Variants in CENPW observed in about 807,000 individuals in gnomAD.
The protein encoded by CENPW is centromere protein W, also known as cancer-up-regulated gene 2 protein.
Under a neutral mutation model 11.1 loss-of-function variants are expected in CENPW, and 3 were observed. The ratio of observed to expected loss-of-function variants is 0.27; its 90% CI spans 0.12 to 0.70. The LOEUF is 0.70. Among genes scored for constraint, CENPW ranks in the 30% least tolerant of loss-of-function variants. The pLI is 0.77. For missense variants in CENPW, 100 were observed against 105.6 expected, an observed-to-expected ratio of 0.95 and a Z score of 0.23; for synonymous variants, 38 against 42.0, an observed-to-expected ratio of 0.91 and a Z score of 0.37.
At chr6:126,433,796 TTA>T in the CENPW span, among the ~76,000 whole-genome samples, 1 of 152,036 alleles carries the variant, frequency 6.6e-6, no homozygotes, top group Non-Finnish European at 1.5e-5. Context: ...CTTGTCTTGA[TTA>T]TGGGGGTTAT....
the CENPW span, among the ~76,000 whole-genome samples, chr6:126,361,685 C>T: frequency 1.3e-5 from 2 of 151,622 alleles, no homozygotes; most frequent in African/African-American, 4.9e-5. Flanking sequence ...TTAGGGAATC[C>T]CCTTGGTCAC....
downstream of CENPW, among the ~76,000 whole-genome samples, chr6:126,350,774 T>A (rs1051841587): frequency 6.6e-6 from 1 of 152,154 alleles, no homozygotes; most frequent in Non-Finnish European, 1.5e-5. Flanking sequence ...AGTAATTTTT[T>A]AAAGCATTAA....
chr6:126,426,354 T>A, the CENPW span, among the ~76,000 whole-genome samples: 1 of 152,116 alleles, frequency 6.6e-6, no homozygotes. Context: ...GTCTACTTGA[T>A]TTCAGGCCTT....
chr6:126,442,861 C>A, the CENPW span, among the ~76,000 whole-genome samples: 1 of 151,128 alleles, frequency 6.6e-6, no homozygotes, highest in East Asian at 1.9e-4. Flanking sequence ...GGGTTGGGGC[C>A]AAGGAATCAT....
the CENPW span, among the ~76,000 whole-genome samples, chr6:126,362,819 G>A: frequency 6.6e-6 from 1 of 151,880 alleles, no homozygotes; most frequent in East Asian, 1.9e-4. Context: ...CTGAAAACAG[G>A]CTTTTTGGAG....
chr6:126,363,206 G>T, the CENPW span, among the ~76,000 whole-genome samples: 1 of 152,166 alleles, frequency 6.6e-6, no homozygotes, highest in Non-Finnish European at 1.5e-5. Flanking sequence ...CAGATGGAGA[G>T]ATTTCATCAC....
chr6:126,454,914 A>G, the CENPW span, among the ~76,000 whole-genome samples: 1 of 151,508 alleles, frequency 6.6e-6, no homozygotes, highest in African/African-American at 2.4e-5. Flanking sequence ...CAGAAATAAA[A>G]AAAACCCCTC....
In CENPW at chr6:126,348,520, A is replaced by G; in HGVS notation, c.*28A>G. 7.2e-7 allele frequency: 1 copy of G among 1,387,002 alleles called. No individual in the cohort carries two copies. The highest frequency in any genetic ancestry group is 2.3e-5 in the East Asian group (1 of 43,346). The allele number at this position is 1,387,002 out of a possible 1,614,324, so 85.9% of individuals were successfully genotyped here. ...GTCAAAGAACATATTCTTGAAAGTT[A>G]TGATGCATTCTTTTGGGTGGTAACA... is the stretch of plus-strand genomic sequence containing the variant. On this transcript the variant is annotated 3_prime_UTR_variant, in exon 3 of 3. Transcript: ENST00000368328.
the CENPW span, among the ~76,000 whole-genome samples, chr6:126,399,108 G>A: frequency 1.3e-5 from 2 of 151,972 alleles, no homozygotes; most frequent in Non-Finnish European, 2.9e-5. Context: ...AAATAATGCT[G>A]TGTTGAAGAT....
At chr6:126,439,477 C>G in the CENPW span, among the ~76,000 whole-genome samples, 4 of 151,650 alleles carry the variant, frequency 2.6e-5, no homozygotes, top group African/African-American at 9.6e-5. Context: ...CTTGGTTATG[C>G]ATGTATGAGG....
At chr6:126,391,629 T>C in the CENPW span, among the ~76,000 whole-genome samples, 2 of 152,036 alleles carry the variant, frequency 1.3e-5, no homozygotes, top group East Asian at 3.9e-4. Flanking sequence ...TTTAATATAT[T>C]TTAATTTGAT....
chr6:126,465,785 A>G, the CENPW span, among the ~76,000 whole-genome samples: 1 of 152,128 alleles, frequency 6.6e-6, no homozygotes, highest in African/African-American at 2.4e-5. Context: ...TTTCCAACAG[A>G]TAATGCTGGA....
At chr6:126,460,515 C>G in the CENPW span, among the ~76,000 whole-genome samples, 63 of 151,784 alleles carry the variant, frequency 4.2e-4, no homozygotes, top group Admixed American at 2.2e-3. Context: ...CATCTTACCC[C>G]CTCCTGATTT....
intron 1 of CENPW, among the ~76,000 whole-genome samples, chr6:126,343,598 A>G (rs920081801): frequency 3.9e-5 from 6 of 152,194 alleles, no homozygotes; most frequent in African/African-American, 1.4e-4. Context: ...TCTGTGGTCG[A>G]AGGCCCTAGG....
At chr6:126,482,070 G>A in the CENPW span, among the ~76,000 whole-genome samples, 1 of 151,960 alleles carries the variant, frequency 6.6e-6, no homozygotes, top group African/African-American at 2.4e-5. Flanking sequence ...AAATGCTAGA[G>A]GAAATGCTCT....
At chr6:126,464,282 T>C in the CENPW span, among the ~76,000 whole-genome samples, 4 of 152,118 alleles carry the variant, frequency 2.6e-5, no homozygotes, top group Admixed American at 2.0e-4. Context: ...TCATGCCTAA[T>C]GAAAACTCTC....
chr6:126,451,302 A>G, the CENPW span, among the ~76,000 whole-genome samples: 2 of 150,906 alleles, frequency 1.3e-5, no homozygotes, highest in Admixed American at 1.3e-4. Context: ...AGAATGAAAT[A>G]TTAGCAAGCA....
intron 2 of CENPW, 98 bp downstream of exon 2, chr6:126,346,416 T>C (rs920922594): frequency 1.7e-6 from 1 of 576,264 alleles, no homozygotes; most frequent in African/African-American, 1.9e-5. Context: ...CTCAGCTTTG[T>C]TGATTGAGTC....
At chr6:126,413,771 T>C in the CENPW span, among the ~76,000 whole-genome samples, 3 of 151,786 alleles carry the variant, frequency 2.0e-5, no homozygotes, top group Non-Finnish European at 2.9e-5. Context: ...CAAAAGAATA[T>C]ATAAAACCAC....
Sources: gnomAD v4.1 joint callset for allele counts (sites outside exome capture counted in the v4.1 genomes callset) on GRCh38, gnomAD v4.1.1 for gene constraint, MANE v1.5 for transcripts, NCBI Gene and HGNC (gene_info 2026-07-23, HGNC 2026-07-21) for gene names.